Variants in ZMAT4 observed in about 807,000 individuals in gnomAD.
ZMAT4 encodes zinc finger matrin-type 4, also known as zinc finger matrin-type protein 4.
ZMAT4 carries 17 observed loss-of-function variants against 28.7 expected under a neutral mutation model. The ratio of observed to expected loss-of-function variants is 0.59; its 90% CI spans 0.41 to 0.89. The LOEUF is 0.89. ZMAT4 is among the 40% of genes least tolerant of loss of function. The pLI is 0.00. For synonymous variants in ZMAT4, 117 were observed against 109.2 expected (o/e 1.07, Z -0.44); for missense variants, 240 against 283.8 (o/e 0.85, Z 1.11).
At chr8:40,630,678 C>T (rs752058358) in intron 5 of ZMAT4, among the ~76,000 whole-genome samples, 9 of 152,102 alleles carry the variant, frequency 5.9e-5, no homozygotes, top group Non-Finnish European at 1.2e-4. Flanking sequence ...TCGCTAAAAC[C>T]CCAGTCACAG....
At chr8:40,668,483 A>C (rs1472196969) in intron 5 of ZMAT4, among the ~76,000 whole-genome samples, 1 of 151,330 alleles carries the variant, frequency 6.6e-6, no homozygotes, top group South Asian at 2.1e-4. Context: ...AAAAAAAAAA[A>C]AAAGAAAAGA....
Position 40,561,198 on chromosome 8 carries a change from A to G in ZMAT4, c.674+19967T>C, listed in dbSNP as rs113871156. Among the ~76,000 whole-genome samples, 1,018 of 152,272 alleles carry G rather than the reference A, an allele frequency of 6.7e-3. 14 individuals carry two copies. The highest frequency in any genetic ancestry group is 0.022 in the African/African-American group (935 of 41,572). ...TCATTTTTCTGACAAAAATGGAAAC[A>G]TCTTAAGTTACTATATCTTTAATTT... On this transcript the variant is annotated intron_variant, in intron 6 of 6. Transcript: ENST00000297737.
intron 5 of ZMAT4, among the ~76,000 whole-genome samples, chr8:40,637,808 C>T (rs1010798597): frequency 2.6e-5 from 4 of 152,118 alleles, no homozygotes; most frequent in Admixed American, 6.5e-5. Flanking sequence ...GTATATAGCA[C>T]GTGCTATATT....
rs574495160 is a variant in ZMAT4 at position 40,831,573 on chromosome 8, G to A, written c.-4-5893C>T. ...CTCTTGGCTTGGTGTTCCCCACCAG[G>A]TGAGCATCCTTCTGTTACAGATTTG... On this transcript the variant is annotated intron_variant, in intron 1 of 6. Coordinates refer to ENST00000297737, the MANE Select transcript of ZMAT4 (RefSeq NM_024645.3). 5.9e-5 allele frequency among the ~76,000 whole-genome samples: 9 copies of A among 152,314 alleles called. No individual in the cohort carries two copies. The South Asian group carries it at 1.9e-3, about 32-fold the overall frequency.
chr8:40,690,895 A>G (rs1028966530), intron 4 of ZMAT4: 2 of 984,932 alleles, frequency 2.0e-6, no homozygotes, highest in Non-Finnish European at 2.4e-6. Context: ...AATACATGCA[A>G]TGAATGAGAT....
intron 6 of ZMAT4, among the ~76,000 whole-genome samples, chr8:40,577,227 A>G (rs1268488408): frequency 6.6e-6 from 1 of 152,102 alleles, no homozygotes; most frequent in East Asian, 1.9e-4. Flanking sequence ...CTGTGCTCCC[A>G]TTTCTGTTGT....
intron 3 of ZMAT4, among the ~76,000 whole-genome samples, chr8:40,739,396 T>C (rs1183562642): frequency 6.6e-6 from 1 of 152,182 alleles, no homozygotes. Context: ...CTTTTCAAAA[T>C]AACATATTTC....
intron 1 of ZMAT4, among the ~76,000 whole-genome samples, chr8:40,845,233 G>A (rs941085437): frequency 2.0e-5 from 3 of 152,066 alleles, no homozygotes; most frequent in Non-Finnish European, 4.4e-5. Context: ...GATGCCCTGG[G>A]TCTGTTCCCA....
chr8:40,698,576 G>A (rs1809995590), intron 3 of ZMAT4, among the ~76,000 whole-genome samples: 3 of 152,166 alleles, frequency 2.0e-5, no homozygotes, highest in Non-Finnish European at 4.4e-5. Context: ...ATTTAAAATT[G>A]GATGGTGAGG....
chr8:40,605,063 C>G (rs1196270973), intron 5 of ZMAT4, among the ~76,000 whole-genome samples: 1 of 152,028 alleles, frequency 6.6e-6, no homozygotes, highest in Admixed American at 6.6e-5. Context: ...TTATTTGGAA[C>G]TTCTCTCTTA....
intron 1 of ZMAT4, among the ~76,000 whole-genome samples, chr8:40,891,420 G>A (rs1255823613): frequency 6.6e-6 from 1 of 151,834 alleles, no homozygotes; most frequent in African/African-American, 2.4e-5. Context: ...TCTGCAGATG[G>A]GCACTGTGGT....
intron 1 of ZMAT4, among the ~76,000 whole-genome samples, chr8:40,873,438 A>G (rs947532919): frequency 1.1e-4 from 17 of 152,152 alleles, no homozygotes; most frequent in Admixed American, 2.6e-4. Context: ...GGCCCCACTC[A>G]GTGCAGGGAT....
intron 1 of ZMAT4, among the ~76,000 whole-genome samples, chr8:40,826,684 T>C (rs753455462): frequency 6.6e-6 from 1 of 152,194 alleles, no homozygotes; most frequent in Non-Finnish European, 1.5e-5. Flanking sequence ...CTTCTCCATT[T>C]AGGGTGGTTG....
intron 1 of ZMAT4, among the ~76,000 whole-genome samples, chr8:40,881,174 TC>T (rs1818208447): frequency 6.6e-6 from 1 of 151,868 alleles, no homozygotes; most frequent in East Asian, 1.9e-4. Flanking sequence ...GGCCAGGAGT[TC>T]AAGATCAGCC....
At chr8:40,759,085 C>T (rs1167452678) in intron 3 of ZMAT4, among the ~76,000 whole-genome samples, 1 of 151,836 alleles carries the variant, frequency 6.6e-6, no homozygotes, top group African/African-American at 2.4e-5. Flanking sequence ...AGTTCGAGAC[C>T]AGCCTGACCA....
chr8:40,893,393 T>G (rs1818761037), intron 1 of ZMAT4, among the ~76,000 whole-genome samples: 1 of 152,144 alleles, frequency 6.6e-6, no homozygotes, highest in Admixed American at 6.5e-5. Context: ...TGGCTCTATA[T>G]CTAAGGGGAC....
intron 5 of ZMAT4, among the ~76,000 whole-genome samples, chr8:40,653,142 C>G (rs1052790993): frequency 6.6e-6 from 1 of 151,844 alleles, no homozygotes; most frequent in African/African-American, 2.4e-5. Context: ...GAACCACACA[C>G]TCTTAAATAA....
At chr8:40,816,855 C>T (rs1252767858) in intron 2 of ZMAT4, among the ~76,000 whole-genome samples, 1 of 152,152 alleles carries the variant, frequency 6.6e-6, no homozygotes, top group South Asian at 2.1e-4. Context: ...ATGAAAGAGA[C>T]AATCCATAAA....
At chr8:40,695,289 G>A (rs1441823530) in intron 4 of ZMAT4, among the ~76,000 whole-genome samples, 2 of 152,222 alleles carry the variant, frequency 1.3e-5, no homozygotes, top group Non-Finnish European at 2.9e-5. Context: ...CAGCTGGGTT[G>A]ACACCAACCC....
Sources: gnomAD v4.1 joint callset for allele counts (sites outside exome capture counted in the v4.1 genomes callset) on GRCh38, gnomAD v4.1.1 for gene constraint, MANE v1.5 for transcripts, NCBI Gene and HGNC (gene_info 2026-07-23, HGNC 2026-07-21) for gene names.